The following GBGT1 variants were observed in gnomAD, a reference collection of about 807,000 sequenced individuals.
The protein encoded by GBGT1 is globoside alpha-1,3-N-acetylgalactosaminyltransferase 1 (FORS blood group).
GBGT1 carries 18 observed loss-of-function variants against 20.9 expected under a neutral mutation model. The observed-to-expected ratio is 0.86, with a 90% CI of 0.60 to 1.28. The LOEUF (loss-of-function observed/expected upper bound fraction) is 1.28. Among genes scored for constraint, GBGT1 ranks in the 50% most tolerant of loss-of-function variants. The pLI is 0.00. For missense variants in GBGT1, 432 were observed against 455.7 expected (o/e 0.95, Z 0.47); for synonymous variants, 168 against 180.8 (o/e 0.93, Z 0.57).
chr9:133,156,788 G>A (rs564495821), intron 3 of GBGT1, among the ~76,000 whole-genome samples: 1 of 152,270 alleles, frequency 6.6e-6, no homozygotes, highest in East Asian at 1.9e-4. Flanking sequence ...CTCCTGAGTA[G>A]CTGGACCTGC....
intron 1 of GBGT1, chr9:133,163,388 CG>C: frequency 6.5e-6 from 1 of 152,674 alleles, no homozygotes; most frequent in Non-Finnish European, 1.5e-5. Flanking sequence ...ACGCGGCGCC[CG>C]GGGGGAGGAC....
At position 133,154,072 on chromosome 9, in the gene GBGT1, C is replaced by CCGG; in HGVS notation, c.546_548dup (p.Arg183dup). 1 of 1,613,458 alleles carries CCGG rather than the reference C, an allele frequency of 6.2e-7. No individual in the cohort carries two copies. The highest frequency in any genetic ancestry group is 8.5e-7 in the Non-Finnish European group (1 of 1,179,910). Reference sequence around the variant, plus strand: ...CAATGTGCTGGCTGATGGTCTCCATCCGGCGCATGGATGTCTCCTCCCAGT... The same window carrying CCGG: ...CAATGTGCTGGCTGATGGTCTCCATCCGGCGGCGCATGGATGTCTCCTCCCAGT... On this transcript the variant is annotated inframe_insertion, in exon 7 of 7. Coordinates refer to ENST00000372040, the MANE Select transcript of GBGT1 (RefSeq NM_021996.6). This position sits in a 1 kb window ranked among gnomAD's most constrained non-coding sequence, Gnocchi z 4.2.
rs1832777905 is a variant in GBGT1, at chr9:133,153,694, CTTGT to C, written c.923_926del (p.Asn308SerfsTer22). The C allele has an allele frequency of 1.9e-6, 3 of 1,613,758 alleles. No homozygotes were observed. The highest frequency in any genetic ancestry group is 1.3e-5 in the African/African-American group (1 of 74,934). Reference sequence around the variant, plus strand: ...ACTCGGGGGACAGCACCTTGGACGGCTTGTTTGAGATGAAGTGACGGTTCAGGTG... The same window carrying C: ...ACTCGGGGGACAGCACCTTGGACGGCTTGAGATGAAGTGACGGTTCAGGTG... On this transcript the variant is annotated frameshift_variant, in exon 7 of 7. Coordinates refer to ENST00000372040, the MANE Select transcript of GBGT1 (RefSeq NM_021996.6). LOFTEE classifies it high-confidence loss of function.
At chr9:133,161,696 C>T (rs1833049735) in intron 2 of GBGT1, among the ~76,000 whole-genome samples, 164 bp from the exon 3 acceptor site, 2 of 152,202 alleles carry the variant, frequency 1.3e-5, no homozygotes, top group African/African-American at 2.4e-5. Context: ...ACAAAGCCTG[C>T]TGGTATTCCT....
Position 133,162,403 on chromosome 9 carries a change from G to A in GBGT1, c.10C>T (p.Arg4Trp), listed in dbSNP as rs373488826. ...AACCCCAGACCCAGGGCCAGTCTCCGGCGATGCATTGCTGGGGGCTGCACC... is the reference window on the plus strand; with the variant it reads ...AACCCCAGACCCAGGGCCAGTCTCCAGCGATGCATTGCTGGGGGCTGCACC... The part of the protein sequence containing the change: MHR[R>W]RLALGLGFCL... Residue 4 changes from arginine to tryptophan, a missense_variant, in exon 2 of 7, where the codon CGG becomes TGG. Arg to Trp is a moderately radical substitution (Grantham distance 101). Transcript: ENST00000372040. The A allele has an allele frequency of 5.5e-4, 875 of 1,605,494 alleles. 17 individuals are homozygous for A. The South Asian group carries it at 8.9e-3, about 16-fold the overall frequency.
chr9:133,161,623 C>T, intron 2 of GBGT1, 91 bp from the exon 3 acceptor site: 1 of 857,628 alleles, frequency 1.2e-6, no homozygotes, highest in Admixed American at 2.3e-5. Flanking sequence ...GAGTGCAGGT[C>T]TCCCACAGTG....
In GBGT1 at chr9:133,156,615, G is replaced by A. The variant is rs573051085; in HGVS notation, c.138-550C>T. 7.9e-5 allele frequency among the ~76,000 whole-genome samples: 12 copies of A among 151,150 alleles called. No homozygotes were observed. The South Asian group carries it at 1.9e-3, about 24-fold the overall frequency. The stretch of plus-strand genomic sequence containing the variant: ...GCAGAGGTTGCAGTGAGCCGAGATC[G>A]CACCATTGCACTACAGCCTGTGTGA... On this transcript the variant is annotated intron_variant, in intron 3 of 6. Coordinates refer to ENST00000372040, the MANE Select transcript of GBGT1 (RefSeq NM_021996.6).
At chr9:133,155,502 G>A (rs190532501) in intron 5 of GBGT1, among the ~76,000 whole-genome samples, 190 bp from the exon 6 acceptor site, 5 of 152,228 alleles carry the variant, frequency 3.3e-5, no homozygotes, top group East Asian at 3.9e-4. Context: ...AGGAGTTAAC[G>A]CACACCAAGG....
At chr9:133,163,642 G>C (rs1421612372) in intron 1 of GBGT1, 112 bp downstream of exon 1, 1 of 152,618 alleles carries the variant, frequency 6.6e-6, no homozygotes, top group Non-Finnish European at 1.5e-5. Flanking sequence ...CCGGGACCCT[G>C]GGTCCGAGAT....
chr9:133,157,344 T>G (rs932644433), intron 3 of GBGT1, among the ~76,000 whole-genome samples: 1 of 151,762 alleles, frequency 6.6e-6, no homozygotes, highest in Non-Finnish European at 1.5e-5. Flanking sequence ...TGCTCCTATC[T>G]GAGTTTCAGC....
chr9:133,153,494 G>T lies in GBGT1; in HGVS notation c.*83C>A. On this transcript the variant is annotated 3_prime_UTR_variant, in exon 7 of 7. Transcript: ENST00000372040. ...ATTCGCCTGACTGACAGGGAGGCGG[G>T]ACAGGGCTGGTCTGCACGCTAGTGA... is the stretch of plus-strand genomic sequence containing the variant. The T allele has an allele frequency of 9.9e-7, 1 of 1,006,256 alleles. No homozygotes were observed. The highest frequency in any genetic ancestry group is 1.5e-6 in the Non-Finnish European group (1 of 682,164). 62.3% of individuals were successfully genotyped at this position (1,006,256 alleles called of 1,614,324 possible). A position where few individuals can be genotyped will look rare whatever the true frequency, so the allele number is the denominator to read the frequency against.
At chr9:133,156,241 A>G (rs1832866455) in intron 3 of GBGT1, 176 bp from the exon 4 acceptor site, 2 of 661,824 alleles carry the variant, frequency 3.0e-6, no homozygotes, top group Admixed American at 2.5e-5. Context: ...GGACCCCTAC[A>G]GAAGTGATCT....
chr9:133,159,765 C>G lies in GBGT1; in HGVS notation c.137+1702G>C, dbSNP rs180700449. On this transcript the variant is annotated intron_variant, in intron 3 of 6. Coordinates refer to ENST00000372040, the MANE Select transcript of GBGT1 (RefSeq NM_021996.6). ...TGAGCTGTGATCGTGCCACTGCACTCCAGCCTGGGCAACAGAGCCAGACCT... is the reference window on the plus strand; with the variant it reads ...TGAGCTGTGATCGTGCCACTGCACTGCAGCCTGGGCAACAGAGCCAGACCT... 3.4e-4 allele frequency among the ~76,000 whole-genome samples: 51 copies of G among 152,186 alleles called. 1 individual carries two copies. The highest frequency in any genetic ancestry group is 3.1e-3 in the Admixed American group (48 of 15,278).
At chr9:133,156,210 C>T in intron 3 of GBGT1, 145 bp from the exon 4 acceptor site, 2 of 823,220 alleles carry the variant, frequency 2.4e-6, no homozygotes, top group South Asian at 1.5e-5. Flanking sequence ...ACAGCCCCAC[C>T]CGACTCTACA....
Position 133,161,774 on chromosome 9 carries a change from G to A in GBGT1, c.72-242C>T, listed in dbSNP as rs35565187. ...ATAGAGTCATTCATTCCTAGGGAGT[G>A]TATATTCTTGATGCCAGGCCCCCCA... is the stretch of plus-strand genomic sequence containing the variant. On this transcript the variant is annotated intron_variant, in intron 2 of 6. Coordinates refer to ENST00000372040, the MANE Select transcript of GBGT1 (RefSeq NM_021996.6). 8.1e-3 allele frequency among the ~76,000 whole-genome samples: 1,236 copies of A among 152,320 alleles called. 9 individuals carry two copies. The highest frequency in any genetic ancestry group is 0.014 in the Non-Finnish European group (955 of 68,024).
chr9:133,155,103 G>T (rs1832829472), intron 6 of GBGT1, 75 bp downstream of exon 6: 8 of 1,385,462 alleles, frequency 5.8e-6, no homozygotes, highest in Non-Finnish European at 8.1e-6. Flanking sequence ...GTGCACGTCT[G>T]GTCTGGTCTC....
chr9:133,161,012 G>T (rs924788876), intron 3 of GBGT1: 1 of 324,300 alleles, frequency 3.1e-6, no homozygotes, highest in African/African-American at 2.4e-5. Flanking sequence ...TCTGACTCAA[G>T]AAAAAAAAAA....
chr9:133,153,965 G>A lies in GBGT1; in HGVS notation c.656C>T (p.Thr219Ile), dbSNP rs1270102402. 5.6e-6 allele frequency: 9 copies of A among 1,613,372 alleles called. No homozygotes were observed. In the Admixed American group the frequency reaches 1.5e-4, roughly 27 times the overall value. ...AATGGCAGCCACCAGGTCTCCCAAG[G>A]TCTCAGGGCCCCACGGGTTCCGAAA... is the stretch of plus-strand genomic sequence containing the variant. Reference protein sequence around the residue: ...MVFRNPWGPETLGDLVAAIHP... With the variant: ...MVFRNPWGPEILGDLVAAIHP... The change falls in exon 7 of 7, where the codon ACC becomes ATC. Residue 219 changes from threonine to isoleucine, a missense_variant. Transcript: ENST00000372040.
In GBGT1 at chr9:133,163,853, G is replaced by A. The variant is rs1358547958; in HGVS notation, c.-220C>T. 2 of 152,470 alleles carry A rather than the reference G, an allele frequency of 1.3e-5. No homozygotes were observed. 9.4% of individuals were successfully genotyped at this position (152,470 alleles called of 1,614,324 possible). A position where few individuals can be genotyped will look rare whatever the true frequency, so the allele number is the denominator to read the frequency against. ...GGGCCCCCGCGATACCCGGGCGATC[G>A]GCGGCGCAGGTGGAGCCTGGAGCAG... is the stretch of plus-strand genomic sequence containing the variant. On this transcript the variant is annotated 5_prime_UTR_variant, in exon 1 of 7. Transcript: ENST00000372040.
Sources: allele counts gnomAD v4.1 joint callset (sites outside exome capture counted in the v4.1 genomes callset), GRCh38; gene constraint gnomAD v4.1.1; non-coding constraint Gnocchi (gnomAD v3.1); transcripts MANE v1.5; gene names NCBI Gene and HGNC (gene_info 2026-07-23, HGNC 2026-07-21).